Variants in KIAA1549L observed in about 807,000 individuals in gnomAD.
KIAA1549L encodes KIAA1549 like, also known as UPF0606 protein KIAA1549L.
KIAA1549L carries 88 observed loss-of-function variants against 160.7 expected under a neutral mutation model. The ratio of observed to expected loss-of-function variants is 0.55; its 90% CI spans 0.46 to 0.65. KIAA1549L has a LOEUF of 0.65. KIAA1549L is among the 30% of genes least tolerant of loss of function. The pLI is 0.00. For synonymous variants in KIAA1549L, 950 were observed against 976.7 expected (o/e 0.97, Z 0.51); for missense variants, 2,258 against 2,437.5 (o/e 0.93, Z 1.55).
chr11:33,529,165 A>G (rs1348070294), intron 1 of KIAA1549L, among the ~76,000 whole-genome samples: 1 of 152,032 alleles, frequency 6.6e-6, no homozygotes, highest in Non-Finnish European at 1.5e-5. Context: ...GCAAATGCCC[A>G]TCTCTACAAA....
At chr11:33,637,912 A>G (rs1339846444) in intron 16 of KIAA1549L, among the ~76,000 whole-genome samples, 2 of 152,222 alleles carry the variant, frequency 1.3e-5, no homozygotes, top group Non-Finnish European at 2.9e-5. Flanking sequence ...TGTGGGGGAC[A>G]CAGTTCATTC....
intron 1 of KIAA1549L, among the ~76,000 whole-genome samples, chr11:33,452,468 C>G (rs572283966): frequency 6.6e-6 from 1 of 152,020 alleles, no homozygotes; most frequent in African/African-American, 2.4e-5. Flanking sequence ...ATTAGCCAGG[C>G]GTAGTGGCGG....
At chr11:33,598,620 G>A (rs547912375) in intron 12 of KIAA1549L, among the ~76,000 whole-genome samples, 200 bp from the exon 13 acceptor site, 9 of 152,276 alleles carry the variant, frequency 5.9e-5, no homozygotes, top group African/African-American at 1.9e-4. Context: ...ACGGCAAAAC[G>A]GACTTCCGAG....
chr11:33,609,688 A>T (rs1850596035), intron 14 of KIAA1549L, 61 bp from the exon 15 acceptor site: 2 of 1,340,326 alleles, frequency 1.5e-6, no homozygotes, highest in Admixed American at 3.9e-5. Context: ...TCCTGGTGAA[A>T]GTCTCCCACC....
intron 1 of KIAA1549L, among the ~76,000 whole-genome samples, chr11:33,432,318 A>G (rs991645836): frequency 3.3e-5 from 5 of 152,204 alleles, no homozygotes; most frequent in Non-Finnish European, 5.9e-5. Context: ...AGCACTAGGG[A>G]AATCTCACTT....
chr11:33,492,378 A>G (rs904390332), intron 1 of KIAA1549L, among the ~76,000 whole-genome samples: 2 of 152,156 alleles, frequency 1.3e-5, no homozygotes, highest in Non-Finnish European at 2.9e-5. Flanking sequence ...AAAAAACCCC[A>G]AAAAGAACAA....
rs375692956 is a variant in KIAA1549L at position 33,645,727 on chromosome 11, T to A, written c.5451T>A (p.Val1817=). 3.1e-6 allele frequency: 5 copies of A among 1,613,792 alleles called. No homozygotes were observed. The African/African-American group carries it at 6.7e-5, about 22-fold the overall frequency. The change falls in exon 17 of 21, where the codon GTT becomes GTA. Residue 1817 remains valine (V), a synonymous_variant. Coordinates refer to ENST00000658780, the MANE Select transcript of KIAA1549L (RefSeq NM_012194.3). ...TAGAGGAAACCAACATTGACAGAGT[T>A]CCTGAGCCCCGGGGCTATTCCAGGT... The part of the protein sequence containing the change: ...EIIEETNIDR[V]PEPRGYSRSR...
Position 33,606,784 on chromosome 11 carries a change from G to T in KIAA1549L, c.5023G>T (p.Asp1675Tyr). 1 of 1,612,876 alleles carries T rather than the reference G, an allele frequency of 6.2e-7. No individual in the cohort carries two copies. The highest frequency in any genetic ancestry group is 8.5e-7 in the Non-Finnish European group (1 of 1,179,472). Residue 1675 changes from aspartate (D) to tyrosine (Y), a missense_variant, in exon 14 of 21, where the codon GAC (aspartate) becomes TAC (tyrosine). Physicochemically the swap from Asp to Tyr is radical, Grantham distance 160. Around this residue, in one of 6 missense-constraint regions of KIAA1549L, gnomAD observed 1,359 missense variants for 1,546.6 expected, o/e 0.88. Transcript: ENST00000658780. ...TALPMVPPTS[D>Y]RSQESSAVLN... ...CCTCCCCATGGTGCCCCCCACCTCG[G>T]ACAGGAGCCAGGAGTCATCGGCAGT...
intron 16 of KIAA1549L, among the ~76,000 whole-genome samples, chr11:33,625,837 G>T (rs1166063394): frequency 1.3e-5 from 2 of 152,144 alleles, no homozygotes; most frequent in African/African-American, 4.8e-5. Flanking sequence ...CCTTGCCCAT[G>T]TCTATGTCTT....
chr11:33,544,480 T>A, intron 2 of KIAA1549L, 144 bp downstream of exon 2: 1 of 861,862 alleles, frequency 1.2e-6, no homozygotes, highest in Non-Finnish European at 1.8e-6. Context: ...AATGAGTTAG[T>A]AGCCCCAAGT....
At chr11:33,590,100 T>C (rs969983194) in intron 11 of KIAA1549L, among the ~76,000 whole-genome samples, 1 of 152,250 alleles carries the variant, frequency 6.6e-6, no homozygotes, top group Non-Finnish European at 1.5e-5. Context: ...GCTAGGCACT[T>C]ATCTAAATGC....
At chr11:33,592,456 C>T (rs887636241) in intron 12 of KIAA1549L, among the ~76,000 whole-genome samples, 1 of 152,178 alleles carries the variant, frequency 6.6e-6, no homozygotes, top group African/African-American at 2.4e-5. Context: ...GCTGGCTAAA[C>T]CAACATGCGT....
chr11:33,571,891 C>T (rs553868307), intron 9 of KIAA1549L, among the ~76,000 whole-genome samples: 15 of 152,158 alleles, frequency 9.9e-5, no homozygotes, highest in Non-Finnish European at 2.2e-4. Flanking sequence ...TGAAGAGTCC[C>T]AAAGCCTATT....
At chr11:33,519,711 C>T (rs75911558) in intron 1 of KIAA1549L, among the ~76,000 whole-genome samples, 2,954 of 152,188 alleles carry the variant, frequency 0.019, 143 homozygotes, top group East Asian at 0.17. Context: ...GAGGGGGGTA[C>T]ATCAGAGAAG....
intron 1 of KIAA1549L, among the ~76,000 whole-genome samples, chr11:33,523,496 G>A (rs1853544289): frequency 6.6e-6 from 1 of 152,166 alleles, no homozygotes; most frequent in African/African-American, 2.4e-5. Context: ...TTATCTGAAT[G>A]CTCCTAATAT....
intron 1 of KIAA1549L, among the ~76,000 whole-genome samples, chr11:33,430,667 G>C (rs887903819): frequency 1.3e-5 from 2 of 152,164 alleles, no homozygotes; most frequent in Non-Finnish European, 2.9e-5. Context: ...TTCCCTAATG[G>C]ATCTCTGGGA....
chr11:33,561,077 A>G (rs1418284436), intron 7 of KIAA1549L, among the ~76,000 whole-genome samples: 3 of 152,222 alleles, frequency 2.0e-5, no homozygotes, highest in East Asian at 3.8e-4. Flanking sequence ...AGTAGGCCCC[A>G]TACTTGTAAA....
chr11:33,552,504 A>C (rs1321819487), intron 6 of KIAA1549L, among the ~76,000 whole-genome samples: 1 of 152,140 alleles, frequency 6.6e-6, no homozygotes, highest in East Asian at 1.9e-4. Flanking sequence ...TATTTTGAAA[A>C]GTTGAACTAG....
At chr11:33,612,735 T>G (rs115283221) in intron 15 of KIAA1549L, among the ~76,000 whole-genome samples, 2,110 of 152,258 alleles carry the variant, frequency 0.014, 40 homozygotes, top group African/African-American at 0.047. Flanking sequence ...AATAATTATT[T>G]TTTCTGCCCT....
Sources: gnomAD v4.1 joint callset for allele counts (sites outside exome capture counted in the v4.1 genomes callset) on GRCh38, gnomAD v4.1.1 for gene constraint, gnomAD v4.1.1 regional missense constraint, MANE v1.5 for transcripts, NCBI Gene and HGNC (gene_info 2026-07-23, HGNC 2026-07-21) for gene names.